Variants in RRM2 observed in about 807,000 individuals in gnomAD.
RRM2 encodes the protein ribonucleotide reductase regulatory subunit M2.
Under a neutral mutation model 45.9 loss-of-function variants are expected in RRM2, and 6 were observed. That is an observed-to-expected ratio of 0.13 (90% CI 0.07 to 0.26). The LOEUF is 0.26. RRM2 is among the 10% of genes least tolerant of loss of function. The pLI is 1.00. For missense variants in RRM2, 343 were observed against 489.5 expected, an observed-to-expected ratio of 0.70 and a Z score of 2.82; for synonymous variants, 177 against 173.0, an observed-to-expected ratio of 1.02 and a Z score of -0.18.
chr2:10,127,537 T>C lies in RRM2; in HGVS notation c.798+317T>C, dbSNP rs1176201932. On this transcript the variant is annotated intron_variant, in intron 7 of 9. Coordinates refer to ENST00000304567, the MANE Select transcript of RRM2 (RefSeq NM_001034.4). This position sits in a 1 kb window ranked among gnomAD's most constrained non-coding sequence, Gnocchi z 4.1. Reference sequence around the variant, plus strand: ...CGTTCCAGGCTGGAGTGCAATGGCGTGATCTTGGCTCACTGCAACCTCTGC... The same window carrying C: ...CGTTCCAGGCTGGAGTGCAATGGCGCGATCTTGGCTCACTGCAACCTCTGC... 6.6e-6 allele frequency among the ~76,000 whole-genome samples: 1 copy of C among 152,198 alleles called. No individual in the cohort carries two copies. Among genetic ancestry groups the C allele is most frequent in the Non-Finnish European group, 1.5e-5 (1 of 68,046 alleles).
intron 3 of RRM2, among the ~76,000 whole-genome samples, chr2:10,152,829 C>T (rs1414486783): frequency 6.6e-6 from 1 of 152,074 alleles, no homozygotes; most frequent in African/African-American, 2.4e-5. Context: ...GAAAAGGGAA[C>T]TCTTGGACAT....
intron 3 of RRM2, among the ~76,000 whole-genome samples, chr2:10,197,618 C>T (rs1029767181): frequency 2.8e-4 from 42 of 151,394 alleles, no homozygotes; most frequent in African/African-American, 8.7e-4. Context: ...GGGGGCTGGG[C>T]GGTGGGCCCA....
At chr2:10,208,568 G>A (rs1332539887) in intron 3 of RRM2, among the ~76,000 whole-genome samples, 2 of 152,112 alleles carry the variant, frequency 1.3e-5, no homozygotes, top group East Asian at 1.9e-4. Flanking sequence ...GTAATTGCAC[G>A]CCACTCATCT....
At position 10,204,688 on chromosome 2, in the gene RRM2, C is replaced by G. The variant is rs921374259; in HGVS notation, n.483-5623C>G. ...TGCCTGGCTTTTGTGAACACGTCTG[C>G]GCTGACTAATTTGTTTAATTACTCA... On this transcript the variant is annotated intron_variant and non_coding_transcript_variant, in intron 3 of 3. Transcript: ENST00000381786. The surrounding 1 kb of genome is among the most constrained non-coding windows in gnomAD (Gnocchi z 4.0). Among the ~76,000 whole-genome samples, 2 of 152,256 alleles carry G rather than the reference C, an allele frequency of 1.3e-5. No homozygotes were observed. Among genetic ancestry groups the G allele is most frequent in the African/African-American group, 4.8e-5 (2 of 41,462 alleles).
intron 3 of RRM2, among the ~76,000 whole-genome samples, chr2:10,164,754 G>C (rs1410159145): frequency 6.6e-6 from 1 of 152,162 alleles, no homozygotes; most frequent in African/African-American, 2.4e-5. Context: ...GGCCCTGCAG[G>C]AGGTGCCCCC....
chr2:10,180,869 C>T lies in RRM2; in HGVS notation n.483-29442C>T, dbSNP rs145983860. 7.7e-3 allele frequency among the ~76,000 whole-genome samples: 1,175 copies of T among 152,244 alleles called. 17 individuals carry two copies. Among genetic ancestry groups the T allele is most frequent in the African/African-American group, 0.027 (1,118 of 41,534 alleles). ...GCAACCTCTGCCTCCCAGGTTCAAG[C>T]GATTCTTGTGCCTCTGCCTCCCGAG... On this transcript the variant is annotated intron_variant and non_coding_transcript_variant, in intron 3 of 3. Coordinates refer to the RRM2 transcript ENST00000381786.
chr2:10,179,659 A>T (rs1430332000), intron 3 of RRM2, among the ~76,000 whole-genome samples: 1 of 152,220 alleles, frequency 6.6e-6, no homozygotes, highest in Non-Finnish European at 1.5e-5. Flanking sequence ...GTAAATTGGC[A>T]GCGTGGCTGA....
intron 3 of RRM2, among the ~76,000 whole-genome samples, chr2:10,168,673 G>A (rs552273874): frequency 1.3e-5 from 2 of 150,994 alleles, no homozygotes; most frequent in East Asian, 1.9e-4. Context: ...TGGCCTGGCC[G>A]GCTCCTCCAC....
intron 3 of RRM2, among the ~76,000 whole-genome samples, chr2:10,196,837 A>G (rs1664426137): frequency 1.3e-5 from 2 of 152,316 alleles, no homozygotes; most frequent in African/African-American, 4.8e-5. Flanking sequence ...CAGAGTGAAG[A>G]CAGGGCTGGG....
chr2:10,174,646 C>T (rs1291637936), intron 3 of RRM2, among the ~76,000 whole-genome samples: 1 of 151,188 alleles, frequency 6.6e-6, no homozygotes, highest in African/African-American at 2.4e-5. Context: ...GACAAAGGAC[C>T]ACCTGAAGCC....
At chr2:10,179,206 G>A (rs1243030077) in intron 3 of RRM2, among the ~76,000 whole-genome samples, 1 of 152,138 alleles carries the variant, frequency 6.6e-6, no homozygotes, top group Non-Finnish European at 1.5e-5. Flanking sequence ...AGGCTGCAGT[G>A]TAGTGGCGCG....
In RRM2 at chr2:10,205,279, G is replaced by T. The variant is rs1664642896; in HGVS notation, n.483-5032G>T. Among the ~76,000 whole-genome samples, 1 of 152,214 alleles carries T rather than the reference G, an allele frequency of 6.6e-6. No homozygotes were observed. Among genetic ancestry groups the T allele is most frequent in the Non-Finnish European group, 1.5e-5 (1 of 68,038 alleles). ...CAGCGAACAGTCTCCTGGGGAGTCA[G>T]CTTGAATGGGGCCTGTGATATCTGC... On this transcript the variant is annotated intron_variant and non_coding_transcript_variant, in intron 3 of 3. Coordinates refer to the RRM2 transcript ENST00000381786. This position sits in a 1 kb window ranked among gnomAD's most constrained non-coding sequence, Gnocchi z 4.8.
chr2:10,203,436 T>TG (rs1251589830), intron 3 of RRM2, among the ~76,000 whole-genome samples: 7 of 152,090 alleles, frequency 4.6e-5, no homozygotes, highest in Non-Finnish European at 7.4e-5. Context: ...AGATTGTTCT[T>TG]GGGGGGTAAA....
intron 3 of RRM2, among the ~76,000 whole-genome samples, chr2:10,189,643 G>A (rs930844247): frequency 9.9e-5 from 15 of 152,262 alleles, no homozygotes; most frequent in Non-Finnish European, 2.1e-4. Context: ...ACAGTGGGCA[G>A]CAGTGTGAAA....
chr2:10,138,409 C>T (rs929835931), upstream of RRM2, among the ~76,000 whole-genome samples: 7 of 151,702 alleles, frequency 4.6e-5, no homozygotes, highest in Middle Eastern at 3.4e-3. Context: ...TCAGGTGATC[C>T]GCCTGCCTTG....
At chr2:10,197,375 C>G (rs1397672268) in intron 3 of RRM2, among the ~76,000 whole-genome samples, 1 of 152,200 alleles carries the variant, frequency 6.6e-6, no homozygotes, top group Non-Finnish European at 1.5e-5. Context: ...TTCCTTCTGC[C>G]CAACCAGTCC....
chr2:10,146,165 G>C (rs931908847), intron 3 of RRM2: 2 of 152,256 alleles, frequency 1.3e-5, no homozygotes, highest in Admixed American at 6.5e-5. Flanking sequence ...TGGCGACCTT[G>C]AGGCTCAGGG....
At chr2:10,136,051 G>A (rs1170202860), downstream of RRM2, among the ~76,000 whole-genome samples, 3 of 152,192 alleles carry the variant, frequency 2.0e-5, no homozygotes, top group African/African-American at 4.8e-5. Context: ...GGCTCTACTG[G>A]CAATTGCTTG....
Position 10,203,522 on chromosome 2 carries a change from G to A in RRM2, n.483-6789G>A, listed in dbSNP as rs370128396. On this transcript the variant is annotated intron_variant and non_coding_transcript_variant, in intron 3 of 3. Coordinates refer to the RRM2 transcript ENST00000381786. ...TCCCAGCACTTTGGGAAGCTGAGGC[G>A]GACAGATCACAAGGTCAGGAGTTCG... 2.1e-4 allele frequency among the ~76,000 whole-genome samples: 32 copies of A among 152,246 alleles called. 2 individuals carry two copies. Among genetic ancestry groups the A allele is most frequent in the Admixed American group, 1.2e-3 (19 of 15,296 alleles).
Sources: gnomAD v4.1 joint callset for allele counts (sites outside exome capture counted in the v4.1 genomes callset) on GRCh38, gnomAD v4.1.1 for gene constraint, Gnocchi (gnomAD v3.1) non-coding constraint, MANE v1.5 for transcripts, NCBI Gene and HGNC (gene_info 2026-07-23, HGNC 2026-07-21) for gene names.